GLYR1: variants seen among roughly 807,000 people sequenced by gnomAD.
The protein encoded by GLYR1 is glyoxylate reductase 1 homolog, also known as cytokine-like nuclear factor N-PAC.
Under a neutral mutation model 72.7 loss-of-function variants are expected in GLYR1, and 21 were observed. That is an observed-to-expected ratio of 0.29 (90% CI 0.20 to 0.42). The LOEUF (loss-of-function observed/expected upper bound fraction) is 0.42. Ranked by LOEUF, GLYR1 falls within the 10% of genes least tolerant of loss-of-function variation. The pLI, the probability that GLYR1 is intolerant of heterozygous loss-of-function variation, is 1.00. For missense variants in GLYR1, 594 were observed against 712.1 expected, an observed-to-expected ratio of 0.83 and a Z score of 1.89; for synonymous variants, 392 against 270.2, an observed-to-expected ratio of 1.45 and a Z score of -4.42.
At chr16:4,837,824 C>T (rs2085251148) in intron 3 of GLYR1, among the ~76,000 whole-genome samples, 1 of 151,564 alleles carries the variant, frequency 6.6e-6, no homozygotes, top group Non-Finnish European at 1.5e-5. Context: ...CCAGCTACTC[C>T]GGAGGCTGAG....
At chr16:4,842,525 A>G (rs1430206397) in intron 3 of GLYR1, among the ~76,000 whole-genome samples, 1 of 151,902 alleles carries the variant, frequency 6.6e-6, no homozygotes, top group Non-Finnish European at 1.5e-5. Flanking sequence ...ATTGAAAAAA[A>G]AAATTTATTT....
chr16:4,812,367 C>T (rs184355425), intron 12 of GLYR1, 119 bp from the exon 13 acceptor site: 570 of 1,089,442 alleles, frequency 5.2e-4, no homozygotes, highest in South Asian at 1.5e-4. Context: ...CTGGAGGGGA[C>T]GGCCACCCAT....
intron 9 of GLYR1, among the ~76,000 whole-genome samples, chr16:4,818,990 G>A (rs1341787310): frequency 6.6e-6 from 1 of 152,076 alleles, no homozygotes; most frequent in Non-Finnish European, 1.5e-5. Flanking sequence ...CTGAGAGCTG[G>A]GGGCTGGATG....
intron 7 of GLYR1, 70 bp downstream of exon 7, chr16:4,822,805 C>G: frequency 7.5e-7 from 1 of 1,325,324 alleles, no homozygotes; most frequent in Non-Finnish European, 1.1e-6. Context: ...ATGGCCAGGC[C>G]AGGACCCAGT....
At chr16:4,814,037 A>C in intron 11 of GLYR1, 199 bp from the exon 12 acceptor site, 3 of 449,208 alleles carry the variant, frequency 6.7e-6, no homozygotes, top group Admixed American at 3.9e-5. Context: ...AAAAGAATCT[A>C]TGTGAGTGTG....
chr16:4,845,956 T>C (rs932829067), intron 2 of GLYR1, among the ~76,000 whole-genome samples: 3 of 152,248 alleles, frequency 2.0e-5, no homozygotes, highest in African/African-American at 7.2e-5. Flanking sequence ...ATAAACCTCC[T>C]CTAAATCCAG....
chr16:4,808,832 T>C (rs1366121475), intron 15 of GLYR1, among the ~76,000 whole-genome samples: 1 of 151,658 alleles, frequency 6.6e-6, no homozygotes, highest in Admixed American at 6.6e-5. Context: ...TGGATACAGT[T>C]GTGCACGCCT....
chr16:4,836,826 A>AC (rs2085166586), intron 3 of GLYR1, among the ~76,000 whole-genome samples: 2 of 151,698 alleles, frequency 1.3e-5, no homozygotes, highest in African/African-American at 4.9e-5. Flanking sequence ...AAAAAAAAAA[A>AC]AAACAAAACA....
At chr16:4,843,452 G>C in intron 3 of GLYR1, 1 of 1,226,572 alleles carries the variant, frequency 8.2e-7, no homozygotes, top group South Asian at 1.4e-5. Context: ...ACCATGCCCG[G>C]CCAAATCTTC....
chr16:4,805,105 T>A lies in GLYR1; in HGVS notation c.*131A>T. On this transcript the variant is annotated 3_prime_UTR_variant, in exon 16 of 16. Transcript: ENST00000321919. ...TGCTGTGTGCTGTGCTGATGGCAAG[T>A]CTCAAAGTCTGTATAAAAGGAAATG... The A allele has an allele frequency of 1.3e-6, 1 of 754,348 alleles. No individual in the cohort carries two copies. The highest frequency in any genetic ancestry group is 2.3e-6 in the Non-Finnish European group (1 of 429,038). 46.7% of individuals were successfully genotyped at this position (754,348 alleles called of 1,614,324 possible). A position where few individuals can be genotyped will look rare whatever the true frequency, so the allele number is the denominator to read the frequency against.
rs572771330 is a variant in GLYR1, at chr16:4,841,885, G to T, written c.155+3189C>A. On this transcript the variant is annotated intron_variant, in intron 3 of 15. Transcript: ENST00000321919. ...GCCAATTGTTCATGGTATCCCCACT[G>T]TCTGAAATGCCCCTATAGTCCCCAT... Among the ~76,000 whole-genome samples the T allele has an allele frequency of 1.4e-4, 21 of 152,244 alleles. No homozygotes were observed. The South Asian group carries it at 4.4e-3, about 32-fold the overall frequency.
At chr16:4,826,052 CTTAT>C (rs753760994) in intron 5 of GLYR1, among the ~76,000 whole-genome samples, 168 of 151,922 alleles carry the variant, frequency 1.1e-3, no homozygotes, top group Non-Finnish European at 1.6e-3. Flanking sequence ...GTAGACACAA[CTTAT>C]TTATTTATTT....
chr16:4,821,800 G>T, intron 7 of GLYR1: 1 of 619,320 alleles, frequency 1.6e-6, no homozygotes, highest in Non-Finnish European at 2.9e-6. Flanking sequence ...AGGTCTTTTT[G>T]CTGACCATGG....
At chr16:4,843,697 C>CT in intron 3 of GLYR1, 1 of 1,204,146 alleles carries the variant, frequency 8.3e-7, no homozygotes, top group Non-Finnish European at 1.1e-6. Flanking sequence ...AGTAGAAATA[C>CT]TTTAACCGTC....
At chr16:4,815,688 G>T (rs1199447012) in intron 10 of GLYR1, among the ~76,000 whole-genome samples, 1 of 152,164 alleles carries the variant, frequency 6.6e-6, no homozygotes, top group Non-Finnish European at 1.5e-5. Context: ...TATTATGCCA[G>T]TACCAAGTAT....
At chr16:4,814,727 A>G in intron 10 of GLYR1, 80 bp from the exon 11 acceptor site, 1 of 1,160,148 alleles carries the variant, frequency 8.6e-7, no homozygotes, top group Non-Finnish European at 1.3e-6. Context: ...ATTGCTGACC[A>G]GGCCTCCTGG....
intron 3 of GLYR1, among the ~76,000 whole-genome samples, chr16:4,844,294 A>C (rs534011212): frequency 6.0e-4 from 92 of 152,266 alleles, no homozygotes; most frequent in African/African-American, 2.2e-3. Context: ...GGTTTCCCCA[A>C]CTTAGGACAG....
chr16:4,838,756 T>G (rs759737716), intron 3 of GLYR1, among the ~76,000 whole-genome samples: 1 of 151,958 alleles, frequency 6.6e-6, no homozygotes, highest in Non-Finnish European at 1.5e-5. Context: ...CCAGCTAATT[T>G]TTTTGTATTT....
chr16:4,842,392 C>T (rs867277112), intron 3 of GLYR1, among the ~76,000 whole-genome samples: 35 of 152,300 alleles, frequency 2.3e-4, no homozygotes, highest in Middle Eastern at 3.4e-3. Flanking sequence ...CTCTGTCACC[C>T]AGACTGGAGT....
Sources: allele counts gnomAD v4.1 joint callset (sites outside exome capture counted in the v4.1 genomes callset), GRCh38; gene constraint gnomAD v4.1.1; transcripts MANE v1.5; gene names NCBI Gene and HGNC (gene_info 2026-07-23, HGNC 2026-07-21).